INPP4B: variants seen among roughly 807,000 people sequenced by gnomAD.
INPP4B encodes inositol polyphosphate-4-phosphatase type II B, also known as inositol polyphosphate 4-phosphatase type II.
In INPP4B, 55 loss-of-function variants were observed where a neutral mutation model predicts 122.5. The ratio of observed to expected loss-of-function variants is 0.45; its 90% confidence interval spans 0.36 to 0.56. INPP4B has a LOEUF of 0.56. Ranked by LOEUF, INPP4B falls within the 20% of genes least tolerant of loss-of-function variation. INPP4B has a pLI of 0.00. For synonymous variants in INPP4B, 403 were observed against 388.7 expected, an observed-to-expected ratio of 1.04 and a Z score of -0.43; for missense variants, 1,000 against 1,097.7, an observed-to-expected ratio of 0.91 and a Z score of 1.26.
intron 2 of INPP4B, among the ~76,000 whole-genome samples, chr4:142,648,947 G>T (rs190882502): frequency 2.0e-5 from 3 of 152,168 alleles, no homozygotes; most frequent in Non-Finnish European, 4.4e-5. Context: ...CCCAGTAGGG[G>T]CCGACAGACA....
In INPP4B at chr4:142,603,238, G is replaced by T. The variant is rs901692472; in HGVS notation, c.-191+122601C>A. Among the ~76,000 whole-genome samples the T allele has an allele frequency of 3.3e-5, 5 of 151,998 alleles. No individual in the cohort carries two copies. The East Asian group carries it at 7.7e-4, about 23-fold the overall frequency. On this transcript the variant is annotated intron_variant, in intron 2 of 25. Coordinates refer to ENST00000262992, the MANE Select transcript of INPP4B (RefSeq NM_001101669.3). ...ATTGGGGCCTGTCAGAGAGGGGTGTGGGGGGAGGGAGAACATCAGGAAAAA... is the reference window on the plus strand; with the variant it reads ...ATTGGGGCCTGTCAGAGAGGGGTGTTGGGGGAGGGAGAACATCAGGAAAAA...
chr4:142,378,550 G>A (rs1376995088), intron 7 of INPP4B, among the ~76,000 whole-genome samples: 6 of 152,092 alleles, frequency 3.9e-5, no homozygotes, highest in Non-Finnish European at 8.8e-5. Flanking sequence ...AAGGCAGAAT[G>A]GGAAGGCAAT....
chr4:142,663,174 TAGTC>T (rs1328415590), intron 2 of INPP4B, among the ~76,000 whole-genome samples: 2 of 152,176 alleles, frequency 1.3e-5, no homozygotes, highest in Non-Finnish European at 2.9e-5. Flanking sequence ...AGATCAGAAG[TAGTC>T]AGGCGAGTTA....
chr4:142,484,448 T>C (rs1217302343), intron 2 of INPP4B, among the ~76,000 whole-genome samples: 1 of 152,000 alleles, frequency 6.6e-6, no homozygotes, highest in Non-Finnish European at 1.5e-5. Flanking sequence ...CCAGAAACCA[T>C]CCTGTAAGAC....
At chr4:142,354,745 G>A (rs1312156979) in intron 7 of INPP4B, among the ~76,000 whole-genome samples, 6 of 152,014 alleles carry the variant, frequency 3.9e-5, no homozygotes, top group Non-Finnish European at 7.4e-5. Flanking sequence ...TATGTGCTTT[G>A]CCATAATGGG....
chr4:142,799,277 A>G (rs1409385439), intron 1 of INPP4B, among the ~76,000 whole-genome samples: 1 of 151,880 alleles, frequency 6.6e-6, no homozygotes, highest in Non-Finnish European at 1.5e-5. Flanking sequence ...CGGTCTCAAT[A>G]TATTTTGAAT....
chr4:142,168,448 T>C (rs1823950003), intron 16 of INPP4B, among the ~76,000 whole-genome samples: 1 of 151,624 alleles, frequency 6.6e-6, no homozygotes, highest in Non-Finnish European at 1.5e-5. Context: ...TGGATTTTTC[T>C]ATGGCAAAGT....
rs78612421 is a variant in INPP4B, at chr4:142,358,256, A to G, written c.373-43494T>C. 2.3e-4 allele frequency among the ~76,000 whole-genome samples: 35 copies of G among 152,100 alleles called. 3 individuals carry two copies. The East Asian group carries it at 6.8e-3, about 30-fold the overall frequency. On this transcript the variant is annotated intron_variant, in intron 7 of 25. Coordinates refer to ENST00000262992, the MANE Select transcript of INPP4B (RefSeq NM_001101669.3). ...ACAGTTATCTGAGGAATTTTTTAAA[A>G]ATACATAGGCTTTATTCTAGAGGTA... is the stretch of plus-strand genomic sequence containing the variant.
intron 23 of INPP4B, among the ~76,000 whole-genome samples, chr4:142,105,588 C>G (rs1461751493): frequency 6.6e-6 from 1 of 152,064 alleles, no homozygotes; most frequent in Non-Finnish European, 1.5e-5. Context: ...ATCATTAAGT[C>G]CTGATATCAC....
chr4:142,475,098 A>T lies in INPP4B; in HGVS notation c.-190-12372T>A, dbSNP rs145615288. 2.0e-5 allele frequency among the ~76,000 whole-genome samples: 3 copies of T among 152,210 alleles called. No individual in the cohort carries two copies. The South Asian group carries it at 6.2e-4, about 32-fold the overall frequency. ...CCAGAAAAGATATGGCCTGTCTGCC[A>T]ACTGTGGCCCTTGCCTGAGAGAGCC... On this transcript the variant is annotated intron_variant, in intron 2 of 25. Transcript: ENST00000262992.
intron 2 of INPP4B, among the ~76,000 whole-genome samples, chr4:142,584,683 G>C (rs1309560892): frequency 6.6e-6 from 1 of 151,992 alleles, no homozygotes; most frequent in African/African-American, 2.4e-5. Context: ...TAATCACCTG[G>C]ATAAGGCACT....
At chr4:142,720,887 G>A (rs1222907704) in intron 2 of INPP4B, among the ~76,000 whole-genome samples, 5 of 126,262 alleles carry the variant, frequency 4.0e-5, no homozygotes, top group Non-Finnish European at 6.5e-5. Flanking sequence ...AGGCTGGAGT[G>A]CATCTCGTGT....
chr4:142,617,961 A>G (rs1249280635), intron 2 of INPP4B, among the ~76,000 whole-genome samples: 1 of 152,144 alleles, frequency 6.6e-6, no homozygotes, highest in South Asian at 2.1e-4. Context: ...TAATTTATCA[A>G]TAAAAATATC....
At chr4:142,736,117 G>A (rs1285553553) in intron 1 of INPP4B, among the ~76,000 whole-genome samples, 2 of 152,046 alleles carry the variant, frequency 1.3e-5, no homozygotes, top group Non-Finnish European at 2.9e-5. Context: ...CCATCACCTA[G>A]AGTTCGTTAG....
At chr4:142,209,567 T>C (rs978614981) in intron 12 of INPP4B, among the ~76,000 whole-genome samples, 2 of 151,382 alleles carry the variant, frequency 1.3e-5, no homozygotes, top group African/African-American at 4.8e-5. Flanking sequence ...CCAAGGTGGG[T>C]GGATCAGCTG....
Position 142,314,740 on chromosome 4 carries a change from T to A in INPP4B, c.395A>T (p.Glu132Val). Residue 132 changes from glutamate to valine, a missense_variant, in exon 8 of 26, where the codon GAA becomes GTA. Transcript: ENST00000262992. ...HDTVRTSVLP[E>V]HKDPPPEVGR... ...AACTTCTGGCGGGGGATCCTTATGT[T>A]CTGGTAGGACACTGGTTCGAACCTG... 1 of 1,599,624 alleles carries A rather than the reference T, an allele frequency of 6.3e-7. No homozygotes were observed. The highest frequency in any genetic ancestry group is 8.5e-7 in the Non-Finnish European group (1 of 1,174,416).
At chr4:142,535,856 G>A (rs548216921) in intron 2 of INPP4B, among the ~76,000 whole-genome samples, 1 of 151,934 alleles carries the variant, frequency 6.6e-6, no homozygotes, top group Admixed American at 6.6e-5. Context: ...ATTTACATAT[G>A]TACTTCTAAT....
At chr4:142,206,647 A>C (rs970663100) in intron 14 of INPP4B, among the ~76,000 whole-genome samples, 3 of 152,074 alleles carry the variant, frequency 2.0e-5, no homozygotes, top group Non-Finnish European at 4.4e-5. Flanking sequence ...TTGACATATA[A>C]AAAGCTATAT....
intron 9 of INPP4B, among the ~76,000 whole-genome samples, chr4:142,285,231 C>A (rs1374333341): frequency 6.6e-6 from 1 of 151,870 alleles, no homozygotes; most frequent in African/African-American, 2.4e-5. Context: ...AGAGAAAAGC[C>A]TGAGAGGCCA....
Sources: gnomAD v4.1 joint callset for allele counts (sites outside exome capture counted in the v4.1 genomes callset) on GRCh38, gnomAD v4.1.1 for gene constraint, MANE v1.5 for transcripts, NCBI Gene and HGNC (gene_info 2026-07-23, HGNC 2026-07-21) for gene names.